Variants in TMPRSS11D observed in about 807,000 individuals in gnomAD.
The protein encoded by TMPRSS11D is transmembrane protease serine 11D.
A neutral mutation model predicts 44.4 loss-of-function variants in TMPRSS11D; 32 were observed. The ratio of observed to expected loss-of-function variants is 0.72; its 90% confidence interval spans 0.54 to 0.97. The LOEUF is 0.97. Ranked by LOEUF, TMPRSS11D falls within the 50% of genes least tolerant of loss-of-function variation. The probability of loss-of-function intolerance (pLI) is 0.00; values close to 1 mark genes in which losing one functional copy is unlikely to be tolerated. For synonymous variants in TMPRSS11D, 179 were observed against 177.9 expected, an observed-to-expected ratio of 1.01 and a Z score of -0.05; for missense variants, 446 against 502.6, an observed-to-expected ratio of 0.89 and a Z score of 1.08.
At chr4:67,838,428 T>C in intron 4 of TMPRSS11D, 99 bp from the exon 5 acceptor site, 1 of 1,167,388 alleles carries the variant, frequency 8.6e-7, no homozygotes, top group Non-Finnish European at 1.1e-6. Context: ...AAAGAATTCA[T>C]TTGTGGAATT....
chr4:67,875,532 C>G (rs540669042), intron 1 of TMPRSS11D, among the ~76,000 whole-genome samples: 14 of 152,272 alleles, frequency 9.2e-5, no homozygotes, highest in South Asian at 2.1e-4. Context: ...TCTGTCTGCT[C>G]GTATATTTAT....
chr4:67,855,376 G>T (rs773148344), intron 2 of TMPRSS11D, among the ~76,000 whole-genome samples: 1 of 151,930 alleles, frequency 6.6e-6, no homozygotes, highest in African/African-American at 2.4e-5. Context: ...CAATCAACTG[G>T]GATTTATCCC....
Position 67,822,386 on chromosome 4 carries a change from G to A in TMPRSS11D, c.1208C>T (p.Thr403Ile). ...CGLPDKPGVY[T>I]RVTAYLDWIR... Reference sequence around the variant, plus strand: ...CCAGTCAAGGTAGGCTGTCACTCGAGTATACACTCCTGGCTTATCCGGCAG... The same window carrying A: ...CCAGTCAAGGTAGGCTGTCACTCGAATATACACTCCTGGCTTATCCGGCAG... The change falls in exon 10 of 10, where the codon ACT (threonine) becomes ATT (isoleucine). Residue 403 changes from threonine to isoleucine, a missense_variant. Thr to Ile is a moderately conservative substitution (Grantham distance 89). Coordinates refer to ENST00000283916, the MANE Select transcript of TMPRSS11D (RefSeq NM_004262.3). 6.2e-7 allele frequency: 1 copy of A among 1,613,760 alleles called. No homozygotes were observed. The highest frequency in any genetic ancestry group is 8.5e-7 in the Non-Finnish European group (1 of 1,179,842).
At chr4:67,825,581 A>C (rs1333222611) in intron 9 of TMPRSS11D, 151 bp downstream of exon 9, 8 of 941,230 alleles carry the variant, frequency 8.5e-6, no homozygotes, top group South Asian at 6.5e-5. Flanking sequence ...CATTCATAAA[A>C]AAATTTATTT....
At chr4:67,846,368 GT>G (rs1159259955) in intron 3 of TMPRSS11D, among the ~76,000 whole-genome samples, 5 of 151,566 alleles carry the variant, frequency 3.3e-5, no homozygotes, top group Admixed American at 1.3e-4. Context: ...ATAAACACAG[GT>G]TTTTTTTGTA....
intron 1 of TMPRSS11D, among the ~76,000 whole-genome samples, chr4:67,874,249 C>G (rs13146055): frequency 6.6e-6 from 1 of 151,858 alleles, no homozygotes; most frequent in East Asian, 1.9e-4. Flanking sequence ...AATCGCCTAA[C>G]GATGCATTTC....
At chr4:67,874,416 C>T (rs915293743) in intron 1 of TMPRSS11D, among the ~76,000 whole-genome samples, 68 of 152,224 alleles carry the variant, frequency 4.5e-4, no homozygotes, top group African/African-American at 1.5e-3. Flanking sequence ...CTCCACTCAT[C>T]GTTATCTCTA....
At chr4:67,832,822 T>C (rs1318642999) in intron 7 of TMPRSS11D, among the ~76,000 whole-genome samples, 1 of 151,914 alleles carries the variant, frequency 6.6e-6, no homozygotes, top group East Asian at 1.9e-4. Flanking sequence ...ATTTAACGTA[T>C]GTTTACATTA....
At chr4:67,859,786 G>T in intron 1 of TMPRSS11D, 108 bp from the exon 2 acceptor site, 1 of 1,410,612 alleles carries the variant, frequency 7.1e-7, no homozygotes, top group Non-Finnish European at 9.6e-7. Context: ...TCTGGGACAT[G>T]GCTCTAGCCA....
chr4:67,843,846 C>T (rs1038955475), intron 3 of TMPRSS11D, among the ~76,000 whole-genome samples: 13 of 152,142 alleles, frequency 8.5e-5, no homozygotes, highest in East Asian at 1.9e-4. Flanking sequence ...TCACTTGAAC[C>T]GGGGAGGTAG....
intron 1 of TMPRSS11D, among the ~76,000 whole-genome samples, chr4:67,883,410 G>A (rs1181079584): frequency 1.3e-5 from 2 of 151,906 alleles, no homozygotes; most frequent in Non-Finnish European, 2.9e-5. Context: ...TCTCTTAAAT[G>A]TTAGCAAGAA....
intron 5 of TMPRSS11D, 117 bp from the exon 6 acceptor site, chr4:67,835,238 A>G (rs6824984): frequency 0.79 from 729,266 of 922,506 alleles, 290,503 homozygotes; most frequent in East Asian, 1. Flanking sequence ...TGGGGTTGGG[A>G]GGTGGTCCTC....
intron 3 of TMPRSS11D, among the ~76,000 whole-genome samples, chr4:67,846,692 A>G (rs913741072): frequency 6.6e-6 from 1 of 152,160 alleles, no homozygotes; most frequent in African/African-American, 2.4e-5. Flanking sequence ...TGTTTTATAT[A>G]TTTTTAAAGA....
Position 67,827,275 on chromosome 4 carries a change from G to A in TMPRSS11D, c.938C>T (p.Ala313Val). The change falls in exon 8 of 10, where the codon GCT becomes GTT. Residue 313 changes from alanine to valine, a missense_variant. Ala to Val is a moderately conservative substitution (Grantham distance 64). Transcript: ENST00000283916. ...GSTAYVTGWGAQEYAGHTVPE... is the reference protein window; with the variant it reads ...GSTAYVTGWGVQEYAGHTVPE... ...GAGACACTTACCAGCATATTCTTGA[G>A]CGCCCCATCCTGTTACATAAGCAGT... 1 of 1,601,242 alleles carries A rather than the reference G, an allele frequency of 6.2e-7. No homozygotes were observed. The highest frequency in any genetic ancestry group is 8.5e-7 in the Non-Finnish European group (1 of 1,175,952).
chr4:67,870,962 A>G (rs1364953053), intron 1 of TMPRSS11D, among the ~76,000 whole-genome samples: 2 of 152,184 alleles, frequency 1.3e-5, no homozygotes, highest in East Asian at 1.9e-4. Context: ...AAGAAGCTCC[A>G]TAAAGGTGAG....
chr4:67,827,365 G>A lies in TMPRSS11D; in HGVS notation c.848C>T (p.Thr283Ile), dbSNP rs1717825003. 3 of 1,613,262 alleles carry A rather than the reference G, an allele frequency of 1.9e-6. No homozygotes were observed. The highest frequency in any genetic ancestry group is 2.2e-5 in the South Asian group (2 of 91,050). The change falls in exon 8 of 10, where the codon ACC becomes ATC. Residue 283 changes from threonine (T) to isoleucine (I), a missense_variant. Thr to Ile is a moderately conservative substitution (Grantham distance 89). Transcript: ENST00000283916. ...CACACTATGGATATCTTTGGTAAAG[G>A]TGACACTGTTCTCAAGTCTCACAAG... is the stretch of plus-strand genomic sequence containing the variant. ...IALVRLENSV[T>I]FTKDIHSVCL...
chr4:67,872,972 A>T (rs148605217), intron 1 of TMPRSS11D, among the ~76,000 whole-genome samples: 123 of 152,250 alleles, frequency 8.1e-4, no homozygotes, highest in African/African-American at 2.9e-3. Flanking sequence ...TTCTGGGTGG[A>T]ATTACAAGTA....
At chr4:67,881,753 G>A (rs529983631) in intron 1 of TMPRSS11D, among the ~76,000 whole-genome samples, 2 of 152,194 alleles carry the variant, frequency 1.3e-5, no homozygotes, top group Non-Finnish European at 2.9e-5. Flanking sequence ...ATTGTCTTTG[G>A]CATGTCTCTG....
intron 7 of TMPRSS11D, among the ~76,000 whole-genome samples, chr4:67,831,434 G>A (rs1439477785): frequency 6.6e-6 from 1 of 152,074 alleles, no homozygotes; most frequent in Non-Finnish European, 1.5e-5. Flanking sequence ...AGAAGGATGT[G>A]GGGTGGCAAA....
Sources: gnomAD v4.1 joint callset for allele counts (sites outside exome capture counted in the v4.1 genomes callset) on GRCh38, gnomAD v4.1.1 for gene constraint, MANE v1.5 for transcripts, NCBI Gene and HGNC (gene_info 2026-07-23, HGNC 2026-07-21) for gene names.